Variants in TBCK observed in about 807,000 individuals in gnomAD.
TBCK encodes TBC domain-containing protein kinase-like protein.
In TBCK, 99 loss-of-function variants were observed where a neutral mutation model predicts 113.4. The ratio of observed to expected loss-of-function variants is 0.87; its 90% CI spans 0.74 to 1.03. TBCK has a LOEUF of 1.03. TBCK is among the 50% of genes least tolerant of loss of function. TBCK has a pLI of 0.00. For missense variants in TBCK, 1,045 were observed against 1,061.3 expected (o/e 0.98, Z 0.21); for synonymous variants, 369 against 370.8 (o/e 1.00, Z 0.05).
chr4:106,091,795 G>A (rs1740279936), intron 25 of TBCK, among the ~76,000 whole-genome samples: 1 of 152,216 alleles, frequency 6.6e-6, no homozygotes, highest in Non-Finnish European at 1.5e-5. Context: ...GGGGACCTGA[G>A]CAGGTTGCCA....
At chr4:106,132,666 CAA>C (rs1244496055) in intron 23 of TBCK, among the ~76,000 whole-genome samples, 6 of 152,316 alleles carry the variant, frequency 3.9e-5, no homozygotes, top group African/African-American at 1.4e-4. Context: ...CACAGACACT[CAA>C]TGCTAGCTCA....
chr4:106,187,197 C>T (rs1281914148), intron 22 of TBCK, among the ~76,000 whole-genome samples: 1 of 152,046 alleles, frequency 6.6e-6, no homozygotes, highest in East Asian at 1.9e-4. Context: ...GTTCTTTTTG[C>T]TTAGGATTGC....
At chr4:106,196,337 T>C (rs1754239101) in intron 20 of TBCK, among the ~76,000 whole-genome samples, 1 of 151,874 alleles carries the variant, frequency 6.6e-6, no homozygotes, top group African/African-American at 2.4e-5. Context: ...AAATCAACAA[T>C]AATTTACTGA....
intron 25 of TBCK, among the ~76,000 whole-genome samples, chr4:106,068,915 C>T (rs531288004): frequency 2.2e-4 from 34 of 152,114 alleles, no homozygotes; most frequent in Non-Finnish European, 4.4e-4. Context: ...CATTTTTTCA[C>T]GTGTCTGTTG....
At chr4:106,193,897 C>T in intron 21 of TBCK, 127 bp from the exon 22 acceptor site, 1 of 587,430 alleles carries the variant, frequency 1.7e-6, no homozygotes, top group Non-Finnish European at 2.8e-6. Context: ...GCTAATACTA[C>T]CAAACTCTTT....
chr4:106,103,051 T>C (rs1189494609), intron 24 of TBCK, among the ~76,000 whole-genome samples: 3 of 152,182 alleles, frequency 2.0e-5, no homozygotes, highest in Non-Finnish European at 4.4e-5. Flanking sequence ...CAATGGGCTT[T>C]AAAAAACATC....
At position 106,295,106 on chromosome 4, in the gene TBCK, CT is replaced by C. The variant is rs1268456443; in HGVS notation, c.253del (p.Arg85GlyfsTer4). ...ERSLEDLLRE[R>X]KPVSCSTVLC... ...TACTATACAGTACCTCACAGGTTTC[CT>C]TTCTCGAAGCAAGTCTTCCAGACTA... On this transcript the variant is annotated frameshift_variant, in exon 3 of 26. Coordinates refer to ENST00000394708, the MANE Select transcript of TBCK (RefSeq NM_001163435.3). LOFTEE classifies it high-confidence loss of function. 2 of 1,612,984 alleles carry C rather than the reference CT, an allele frequency of 1.2e-6. No homozygotes were observed. Among genetic ancestry groups the C allele is most frequent in the Admixed American group, 3.3e-5 (2 of 59,942 alleles).
chr4:106,291,555 C>T (rs901499960), intron 3 of TBCK, among the ~76,000 whole-genome samples: 1 of 152,170 alleles, frequency 6.6e-6, no homozygotes, highest in South Asian at 2.1e-4. Flanking sequence ...ACCAAGCAGA[C>T]TGATTAAAAG....
At chr4:106,159,557 C>T (rs1310426564) in intron 23 of TBCK, among the ~76,000 whole-genome samples, 3 of 151,842 alleles carry the variant, frequency 2.0e-5, no homozygotes, top group African/African-American at 7.3e-5. Context: ...GAATAAAATA[C>T]TTAGGAATTA....
At chr4:106,145,147 G>A (rs748998404) in intron 23 of TBCK, among the ~76,000 whole-genome samples, 6 of 151,918 alleles carry the variant, frequency 3.9e-5, no homozygotes, top group East Asian at 1.9e-4. Flanking sequence ...GTGAAACCTC[G>A]TCTCTACTAA....
At chr4:106,078,835 A>G (rs1234988449) in intron 25 of TBCK, among the ~76,000 whole-genome samples, 1 of 152,176 alleles carries the variant, frequency 6.6e-6, no homozygotes, top group African/African-American at 2.4e-5. Context: ...AGATACAATG[A>G]AAAAAGGAAA....
At chr4:106,281,547 A>T (rs1445656994) in intron 3 of TBCK, among the ~76,000 whole-genome samples, 2 of 152,042 alleles carry the variant, frequency 1.3e-5, no homozygotes, top group African/African-American at 4.8e-5. Context: ...AATGCTATTA[A>T]TAGCTGTGGG....
chr4:106,049,633 C>CCAT (rs1560578824), intron 25 of TBCK, among the ~76,000 whole-genome samples: 1 of 151,858 alleles, frequency 6.6e-6, no homozygotes. Context: ...AGGGTTTCTT[C>CCAT]CATCTTTCAT....
rs1740811011 is a variant in TBCK, at chr4:106,095,626, G to A, written c.2427C>T (p.His809=). 6.2e-7 allele frequency: 1 copy of A among 1,613,172 alleles called. No individual in the cohort carries two copies. Among genetic ancestry groups the A allele is most frequent in the Non-Finnish European group, 8.5e-7 (1 of 1,179,616 alleles). ...IRNSEDFIRG[H]ISGSINIPFS... ...ATGGAATGTTGATGCTTCCTGAAAT[G>A]TGACCACGAATAAAGCTGAGAAGGA... Residue 809 remains histidine, a synonymous_variant, in exon 25 of 26, where the codon CAC becomes CAT. Coordinates refer to ENST00000394708, the MANE Select transcript of TBCK (RefSeq NM_001163435.3).
chr4:106,185,827 C>A (rs1250491263), intron 22 of TBCK, among the ~76,000 whole-genome samples: 1 of 152,062 alleles, frequency 6.6e-6, no homozygotes, highest in East Asian at 1.9e-4. Flanking sequence ...TATTTCATTA[C>A]CCAGGTAATT....
intron 16 of TBCK, among the ~76,000 whole-genome samples, 182 bp downstream of exon 16, chr4:106,233,406 A>C (rs931536005): frequency 6.6e-6 from 1 of 152,058 alleles, no homozygotes. Context: ...ACTTGACCTA[A>C]AGTCCTTTAA....
In TBCK at chr4:106,233,436, T is replaced by C. The variant is rs189757800; in HGVS notation, c.1512+152A>G. ...CTTTAAGGTATTGTTCTTACTAATT[T>C]ATAAGCATAAGAGTTATGGTTTCTC... On this transcript the variant is annotated intron_variant, in intron 16 of 25. Coordinates refer to ENST00000394708, the MANE Select transcript of TBCK (RefSeq NM_001163435.3). 2.6e-5 allele frequency: 17 copies of C among 647,634 alleles called. No homozygotes were observed. The Admixed American group carries it at 5.1e-4, about 19-fold the overall frequency. 40.1% of individuals were successfully genotyped at this position (647,634 alleles called of 1,614,324 possible). A position where few individuals can be genotyped will look rare whatever the true frequency, so the allele number is the denominator to read the frequency against.
At chr4:106,206,528 C>G (rs1755524403) in intron 20 of TBCK, among the ~76,000 whole-genome samples, 2 of 152,136 alleles carry the variant, frequency 1.3e-5, no homozygotes, top group Admixed American at 6.5e-5. Flanking sequence ...CAAGAGGACA[C>G]ATCACAGGAC....
chr4:106,156,364 A>G (rs1388388593), intron 23 of TBCK, among the ~76,000 whole-genome samples: 4 of 152,202 alleles, frequency 2.6e-5, no homozygotes, highest in Admixed American at 2.0e-4. Context: ...GCTTGCTGTC[A>G]TAACTACTAT....
Sources: allele counts gnomAD v4.1 joint callset (sites outside exome capture counted in the v4.1 genomes callset), GRCh38; gene constraint gnomAD v4.1.1; transcripts MANE v1.5; gene names NCBI Gene and HGNC (gene_info 2026-07-23, HGNC 2026-07-21).